CDC42EP5: variants seen among roughly 807,000 people sequenced by gnomAD.
The protein encoded by CDC42EP5 is CDC42 effector protein 5, also known as CDC42 effector protein (Rho GTPase binding) 5.
For missense variants in CDC42EP5, 269 were observed against 238.0 expected (o/e 1.13, Z -0.86); for synonymous variants, 118 against 123.3 (o/e 0.96, Z 0.28).
intron 1 of CDC42EP5, among the ~76,000 whole-genome samples, chr19:54,471,907 GACCCCCA>G (rs2084842241): frequency 4.1e-4 from 32 of 78,496 alleles, no homozygotes; most frequent in Middle Eastern, 6.6e-3. Flanking sequence ...CAGGAGTCCA[GACCCCCA>G]GCCCCTCCTC....
At chr19:54,466,144 A>C (rs992239420) in intron 2 of CDC42EP5, among the ~76,000 whole-genome samples, 2 of 152,160 alleles carry the variant, frequency 1.3e-5, no homozygotes, top group Non-Finnish European at 2.9e-5. Flanking sequence ...TGACTGATAG[A>C]AAACTCCAGC....
rs1359301821 is a variant in CDC42EP5, at chr19:54,473,267, T to TG, written c.-346dup. On this transcript the variant is annotated 5_prime_UTR_variant, in exon 1 of 3. Transcript: ENST00000301200. ...AGCTGAGGCCCCTCTGGGCGGAGTGTGGGGGCGGGAGGAGGCCAGGACTAA... is the reference window on the plus strand; with the variant it reads ...AGCTGAGGCCCCTCTGGGCGGAGTGTGGGGGGCGGGAGGAGGCCAGGACTAA... 7.1e-6 allele frequency: 1 copy of TG among 141,242 alleles called. No homozygotes were observed. Among genetic ancestry groups the TG allele is most frequent in the Non-Finnish European group, 1.5e-5 (1 of 65,254 alleles). 8.7% of individuals were successfully genotyped at this position (141,242 alleles called of 1,614,324 possible).
At chr19:54,469,740 C>T (rs868218256) in intron 2 of CDC42EP5, among the ~76,000 whole-genome samples, 4 of 152,108 alleles carry the variant, frequency 2.6e-5, no homozygotes, top group South Asian at 2.1e-4. Flanking sequence ...ATGGGTGATC[C>T]GAGACAGGAC....
At chr19:54,468,379 T>A (rs372661567) in intron 2 of CDC42EP5, among the ~76,000 whole-genome samples, 3 of 149,628 alleles carry the variant, frequency 2.0e-5, no homozygotes, top group African/African-American at 7.4e-5. Flanking sequence ...ACACACACAC[T>A]CTTTACATTG....
At chr19:54,467,601 C>G (rs1240350366) in intron 2 of CDC42EP5, among the ~76,000 whole-genome samples, 1 of 119,844 alleles carries the variant, frequency 8.3e-6, no homozygotes, top group African/African-American at 3.2e-5. Flanking sequence ...GAGTCTTGTT[C>G]TGTTGCCCAG....
At chr19:54,470,858 G>T (rs1600055520) in intron 2 of CDC42EP5, among the ~76,000 whole-genome samples, 1 of 152,120 alleles carries the variant, frequency 6.6e-6, no homozygotes, top group African/African-American at 2.4e-5. Flanking sequence ...AAATAATAAT[G>T]TTCTGATTTG....
At chr19:54,469,295 C>T (rs1468116653) in intron 2 of CDC42EP5, among the ~76,000 whole-genome samples, 1 of 152,036 alleles carries the variant, frequency 6.6e-6, no homozygotes, top group Non-Finnish European at 1.5e-5. Flanking sequence ...CACCCGGCCC[C>T]TACTCTGATA....
Position 54,467,590 on chromosome 19 carries a change from G to A in CDC42EP5, c.1-2043C>T, listed in dbSNP as rs559383627. Among the ~76,000 whole-genome samples, 11 of 135,890 alleles carry A rather than the reference G, an allele frequency of 8.1e-5. No homozygotes were observed. The East Asian group carries it at 1.7e-3, about 21-fold the overall frequency. The allele number at this position is 135,890 out of a possible 152,430, so 89.1% of individuals were successfully genotyped here. ...ATTCTTTTTTTTTTTTTTTTGAGAC[G>A]GAGTCTTGTTCTGTTGCCCAGGCTG... On this transcript the variant is annotated intron_variant, in intron 2 of 2. Coordinates refer to ENST00000301200, the MANE Select transcript of CDC42EP5 (RefSeq NM_145057.4).
intron 2 of CDC42EP5, among the ~76,000 whole-genome samples, chr19:54,470,097 G>A (rs1458274773): frequency 2.0e-5 from 3 of 152,158 alleles, no homozygotes; most frequent in South Asian, 2.1e-4. Flanking sequence ...GCTGGGCGCC[G>A]TGGCTCACAC....
chr19:54,465,169 T>C lies in CDC42EP5; in HGVS notation c.379A>G (p.Thr127Ala), dbSNP rs1445725210. 1 of 1,413,936 alleles carries C rather than the reference T, an allele frequency of 7.1e-7. No individual in the cohort carries two copies. Among genetic ancestry groups the C allele is most frequent in the South Asian group, 1.5e-5 (1 of 65,706 alleles). The allele number at this position is 1,413,936 out of a possible 1,614,324, so 87.6% of individuals were successfully genotyped here. ...CGGCAGCGGGCCTGGGGGGGCTGCG[T>C]CCCGGGGCGGGGTTCCGCGTCGGGC... The part of the protein sequence containing the change: ...AKPDAEPRPG[T>A]QPPQARCRPN... Residue 127 changes from threonine (T) to alanine (A), a missense_variant, in exon 3 of 3, where the codon ACG becomes GCG. By Grantham distance (58) the Thr-to-Ala change is moderately conservative. Transcript: ENST00000301200.
rs2084728159 is a variant in CDC42EP5 at position 54,465,156 on chromosome 19, T to G, written c.392A>C (p.Gln131Pro). The change falls in exon 3 of 3, where the codon CAG (glutamine) becomes CCG (proline). Residue 131 changes from glutamine (Q) to proline (P), a missense_variant. Coordinates refer to ENST00000301200, the MANE Select transcript of CDC42EP5 (RefSeq NM_145057.4). Reference sequence around the variant, plus strand: ...GTCCGCGTTGGGGCGGCAGCGGGCCTGGGGGGGCTGCGTCCCGGGGCGGGG... The same window carrying G: ...GTCCGCGTTGGGGCGGCAGCGGGCCGGGGGGGGCTGCGTCCCGGGGCGGGG... ...AEPRPGTQPP[Q>P]ARCRPNADLE... 2.1e-6 allele frequency: 3 copies of G among 1,406,604 alleles called. No homozygotes were observed. The highest frequency in any genetic ancestry group is 1.6e-5 in the South Asian group (1 of 63,394). 87.1% of individuals were successfully genotyped at this position (1,406,604 alleles called of 1,614,324 possible). A position where few individuals can be genotyped will look rare whatever the true frequency, so the allele number is the denominator to read the frequency against.
At chr19:54,469,177 G>C (rs558086891) in intron 2 of CDC42EP5, among the ~76,000 whole-genome samples, 61 of 151,598 alleles carry the variant, frequency 4.0e-4, no homozygotes, top group Non-Finnish European at 7.4e-4. Flanking sequence ...GTATTTTATA[G>C]TAGAGATGGG....
chr19:54,470,178 C>T (rs1243073344), intron 2 of CDC42EP5, among the ~76,000 whole-genome samples: 6 of 151,640 alleles, frequency 4.0e-5, no homozygotes, highest in East Asian at 1.9e-4. Flanking sequence ...GACCAGAATG[C>T]GCAACAAAGT....
At chr19:54,467,553 T>C (rs1007489522) in intron 2 of CDC42EP5, among the ~76,000 whole-genome samples, 3 of 147,984 alleles carry the variant, frequency 2.0e-5, no homozygotes, top group African/African-American at 7.5e-5. Flanking sequence ...TTATTGCCCA[T>C]AGCTGCACCA....
At chr19:54,467,987 C>T (rs915466042) in intron 2 of CDC42EP5, among the ~76,000 whole-genome samples, 9 of 152,174 alleles carry the variant, frequency 5.9e-5, no homozygotes, top group Admixed American at 4.6e-4. Flanking sequence ...AAGCCCTACC[C>T]TTTGCCAGCT....
chr19:54,466,773 G>C (rs898048717), intron 2 of CDC42EP5, among the ~76,000 whole-genome samples: 1 of 152,122 alleles, frequency 6.6e-6, no homozygotes, highest in Non-Finnish European at 1.5e-5. Flanking sequence ...TGCATTATAA[G>C]TAATCTAGAG....
chr19:54,471,908 AC>A (rs1254328512), intron 1 of CDC42EP5, among the ~76,000 whole-genome samples: 3 of 29,658 alleles, frequency 1.0e-4, no homozygotes, highest in East Asian at 1.1e-3. Context: ...AGGAGTCCAG[AC>A]CCCCAGCCCC....
rs761510311 is a variant in CDC42EP5, at chr19:54,465,501, G to A, written c.47C>T (p.Pro16Leu). The change falls in exon 3 of 3, where the codon CCT (proline) becomes CTT (leucine). Residue 16 changes from proline (P) to leucine (L), a missense_variant. Physicochemically the swap from Pro to Leu is moderately conservative, Grantham distance 98. Transcript: ENST00000301200. The stretch of plus-strand genomic sequence containing the variant: ...GGAGATGGACAGGGCGCCGCGATCA[G>A]GCCGCTTCTTGGGCTGCGCGGGGCC... ...QLGPAQPKKR[P>L]DRGALSISAP... 1.4e-4 allele frequency: 215 copies of A among 1,541,960 alleles called. 2 individuals are homozygous for A. In the South Asian group the frequency reaches 2.1e-3, roughly 15 times the overall value.
intron 2 of CDC42EP5, among the ~76,000 whole-genome samples, chr19:54,470,337 A>C (rs2084817252): frequency 6.6e-6 from 1 of 151,908 alleles, no homozygotes; most frequent in Admixed American, 6.6e-5. Context: ...GTCCCACCGC[A>C]CTTCAGCCTG....
Sources: allele counts gnomAD v4.1 joint callset (sites outside exome capture counted in the v4.1 genomes callset), GRCh38; gene constraint gnomAD v4.1.1; transcripts MANE v1.5; gene names NCBI Gene and HGNC (gene_info 2026-07-23, HGNC 2026-07-21).